Variants in GALNT16 observed in about 807,000 individuals in gnomAD.
GALNT16 encodes the protein polypeptide N-acetylgalactosaminyltransferase 16.
In GALNT16, 40 loss-of-function variants were observed where a neutral mutation model predicts 76.1. The ratio of observed to expected loss-of-function variants is 0.53; its 90% CI spans 0.41 to 0.68. GALNT16 has a LOEUF of 0.68. Ranked by LOEUF, GALNT16 falls within the 30% of genes least tolerant of loss-of-function variation. The probability of loss-of-function intolerance (pLI) is 0.00; values close to 1 mark genes in which losing one functional copy is unlikely to be tolerated. For synonymous variants in GALNT16, 276 were observed against 285.2 expected (o/e 0.97, Z 0.32); for missense variants, 621 against 731.9 (o/e 0.85, Z 1.75).
chr14:69,342,180 G>A (rs1472335704), intron 12 of GALNT16, among the ~76,000 whole-genome samples: 1 of 152,018 alleles, frequency 6.6e-6, no homozygotes, highest in South Asian at 2.1e-4. Context: ...AGGCACAGTG[G>A]GTTATGCCTG....
chr14:69,386,243 G>C, the GALNT16 span, among the ~76,000 whole-genome samples: 1 of 152,220 alleles, frequency 6.6e-6, no homozygotes, highest in African/African-American at 2.4e-5. Context: ...TGGTGATCCA[G>C]GAAGTGCCTA....
intron 7 of GALNT16, among the ~76,000 whole-genome samples, chr14:69,332,029 A>G (rs1183717271): frequency 1.3e-5 from 2 of 152,218 alleles, no homozygotes; most frequent in Admixed American, 1.3e-4. Context: ...AAATATGACT[A>G]GTCTTGAAAA....
At chr14:69,376,732 A>C in the GALNT16 span, among the ~76,000 whole-genome samples, 1 of 152,134 alleles carries the variant, frequency 6.6e-6, no homozygotes, top group South Asian at 2.1e-4. Flanking sequence ...ATGTATTACT[A>C]GACAAGACTG....
chr14:69,363,426 C>A, the GALNT16 span, among the ~76,000 whole-genome samples: 10 of 152,340 alleles, frequency 6.6e-5, no homozygotes, highest in Admixed American at 6.5e-4. Context: ...CCCTTCCTAG[C>A]TGGGCAACCT....
intron 6 of GALNT16, among the ~76,000 whole-genome samples, chr14:69,330,753 GA>G (rs2045342679): frequency 6.6e-6 from 1 of 152,222 alleles, no homozygotes; most frequent in African/African-American, 2.4e-5. Context: ...GAGGGCGAAA[GA>G]TGAGAAGGCT....
At chr14:69,306,748 G>A (rs573337044) in intron 1 of GALNT16, among the ~76,000 whole-genome samples, 120 of 152,214 alleles carry the variant, frequency 7.9e-4, no homozygotes, top group Non-Finnish European at 1.1e-3. Flanking sequence ...TGGGAGTTTT[G>A]GGGCACCCTG....
chr14:69,333,022 G>A lies in GALNT16; in HGVS notation c.779-63G>A. 8.7e-7 allele frequency: 1 copy of A among 1,151,782 alleles called. No individual in the cohort carries two copies. The highest frequency in any genetic ancestry group is 1.7e-5 in the Admixed American group (1 of 59,418). 71.3% of individuals were successfully genotyped at this position (1,151,782 alleles called of 1,614,324 possible). ...GGGAGACTCCGAGGGGTGGTGGAGT[G>A]AAGGGTCTCAGCAGCCCGCAGCTCT... On this transcript the variant is annotated intron_variant, in intron 7 of 14. Coordinates refer to ENST00000448469, the MANE Select transcript of GALNT16 (RefSeq NM_001168368.2). This position sits in a 1 kb window ranked among gnomAD's most constrained non-coding sequence, Gnocchi z 4.2.
At chr14:69,279,886 C>G (rs976475076) in intron 1 of GALNT16, among the ~76,000 whole-genome samples, 1 of 152,214 alleles carries the variant, frequency 6.6e-6, no homozygotes, top group Admixed American at 6.5e-5. Context: ...CAACTTCACC[C>G]TGAAGCTGGT....
the GALNT16 span, among the ~76,000 whole-genome samples, chr14:69,372,116 G>T: frequency 6.6e-6 from 1 of 152,130 alleles, no homozygotes; most frequent in South Asian, 2.1e-4. Context: ...GATGAGTAGG[G>T]CATCCCTGTG....
intron 1 of GALNT16, among the ~76,000 whole-genome samples, chr14:69,268,498 G>T (rs939995877): frequency 1.3e-5 from 2 of 152,148 alleles, no homozygotes; most frequent in African/African-American, 4.8e-5. Flanking sequence ...GGCCGTGTGA[G>T]GTAGGAGGGG....
chr14:69,325,506 A>G, intron 4 of GALNT16, 102 bp downstream of exon 4: 1 of 780,336 alleles, frequency 1.3e-6, no homozygotes, highest in South Asian at 1.4e-5. Context: ...ACCATCGCAG[A>G]CACCTTTCTG....
At chr14:69,306,663 A>G (rs1307154683) in intron 1 of GALNT16, among the ~76,000 whole-genome samples, 3 of 152,190 alleles carry the variant, frequency 2.0e-5, no homozygotes, top group African/African-American at 7.2e-5. Flanking sequence ...TTAAAATAGG[A>G]ATCCTGGGTG....
Position 69,333,529 on chromosome 14 carries a change from T to C in GALNT16, c.896T>C (p.Ile299Thr), listed in dbSNP as rs2045382624. ...TPVIAGGIFV[I>T]DKSWFNHLGK... ...GTCATAGCTGGAGGAATCTTCGTGA[T>C]CGACAAGTCCTGGTTTAACCACTTG... Residue 299 changes from isoleucine (I) to threonine (T), a missense_variant, in exon 9 of 15, where the codon ATC becomes ACC. By Grantham distance (89) the Ile-to-Thr change is moderately conservative (BLOSUM62 -1). Transcript: ENST00000448469. The surrounding 1 kb of genome is among the most constrained non-coding windows in gnomAD (Gnocchi z 4.2). The C allele has an allele frequency of 6.2e-7, 1 of 1,611,708 alleles. No homozygotes were observed. The highest frequency in any genetic ancestry group is 2.2e-5 in the East Asian group (1 of 44,864).
the GALNT16 span, chr14:69,380,179 T>C: frequency 5.7e-6 from 1 of 176,960 alleles, no homozygotes; most frequent in African/African-American, 2.4e-5. Context: ...CTTGAGGACA[T>C]GGCTAAACTG....
chr14:69,304,101 G>C (rs1180311605), intron 1 of GALNT16, among the ~76,000 whole-genome samples: 1 of 152,128 alleles, frequency 6.6e-6, no homozygotes, highest in Non-Finnish European at 1.5e-5. Context: ...GTTTAATGAT[G>C]ACACTTTAAA....
chr14:69,359,129 T>C (rs1005831537), downstream of GALNT16: 6 of 152,354 alleles, frequency 3.9e-5, no homozygotes, highest in African/African-American at 1.4e-4. Context: ...CCATACGCTA[T>C]GGTGTGTTCC....
chr14:69,308,224 T>TACACATGCA (rs1399894289), intron 1 of GALNT16, among the ~76,000 whole-genome samples: 4 of 152,186 alleles, frequency 2.6e-5, no homozygotes, highest in Non-Finnish European at 2.9e-5. Context: ...CTCAATCCTT[T>TACACATGCA]TATCTTAGGT....
downstream of GALNT16, among the ~76,000 whole-genome samples, chr14:69,361,482 C>T (rs940743373): frequency 2.6e-5 from 4 of 152,218 alleles, no homozygotes; most frequent in African/African-American, 9.6e-5. Context: ...TATTGCCTTT[C>T]ACCCATCAGT....
Position 69,339,588 on chromosome 14 carries a change from C to T in GALNT16, c.1156C>T (p.Arg386Trp), listed in dbSNP as rs1192437702. 7.5e-6 allele frequency: 12 copies of T among 1,609,812 alleles called. No individual in the cohort carries two copies. Among genetic ancestry groups the T allele is most frequent in the Non-Finnish European group, 1.0e-5 (12 of 1,177,310 alleles). ...DEYKQYYYEA[R>W]PSAIGKAFGS... ...ATACAAGCAATACTACTATGAGGCCCGGCCCTCGGCCATCGGGAAGGCCTT... is the reference window on the plus strand; with the variant it reads ...ATACAAGCAATACTACTATGAGGCCTGGCCCTCGGCCATCGGGAAGGCCTT... Residue 386 changes from arginine (R) to tryptophan (W), a missense_variant, in exon 11 of 15, where the codon CGG becomes TGG. Physicochemically the swap from Arg to Trp is moderately radical, Grantham distance 101. Coordinates refer to ENST00000448469, the MANE Select transcript of GALNT16 (RefSeq NM_001168368.2).
Sources: allele counts gnomAD v4.1 joint callset (sites outside exome capture counted in the v4.1 genomes callset), GRCh38; gene constraint gnomAD v4.1.1; non-coding constraint Gnocchi (gnomAD v3.1); transcripts MANE v1.5; gene names NCBI Gene and HGNC (gene_info 2026-07-23, HGNC 2026-07-21).